Variants in IL17B observed in about 807,000 individuals in gnomAD.
The protein encoded by IL17B is interleukin-17B.
Under a neutral mutation model 14.7 loss-of-function variants are expected in IL17B, and 14 were observed. That is an observed-to-expected ratio of 0.95 (90% CI 0.63 to 1.49). The LOEUF (loss-of-function observed/expected upper bound fraction) is 1.49. Ranked by LOEUF, IL17B falls within the 40% of genes most tolerant of loss-of-function variation. IL17B has a pLI of 0.00. For missense variants in IL17B, 233 were observed against 252.8 expected (o/e 0.92, Z 0.53); for synonymous variants, 105 against 94.8 (o/e 1.11, Z -0.62).
At chr5:149,385,863 C>T (rs1407508653) in intron 1 of IL17B, among the ~76,000 whole-genome samples, 1 of 152,186 alleles carries the variant, frequency 6.6e-6, no homozygotes, top group East Asian at 1.9e-4. Flanking sequence ...CTCTTCAGCC[C>T]CCCAGAGCCG....
intron 1 of IL17B, among the ~76,000 whole-genome samples, chr5:149,394,766 G>A (rs1386601341): frequency 6.6e-6 from 1 of 152,122 alleles, no homozygotes; most frequent in African/African-American, 2.4e-5. Context: ...GCTCTGCTTG[G>A]AGAATACATC....
intron 2 of IL17B, among the ~76,000 whole-genome samples, chr5:149,375,646 C>G (rs144239639): frequency 6.6e-6 from 1 of 152,044 alleles, no homozygotes; most frequent in African/African-American, 2.4e-5. Flanking sequence ...CAGCACTTTG[C>G]GAGGCCAAGG....
At chr5:149,394,201 T>C (rs1424407889) in intron 1 of IL17B, among the ~76,000 whole-genome samples, 1 of 152,226 alleles carries the variant, frequency 6.6e-6, no homozygotes, top group African/African-American at 2.4e-5. Context: ...AGATGAACTA[T>C]ATTCATGAAG....
intron 1 of IL17B, among the ~76,000 whole-genome samples, chr5:149,386,071 T>G (rs1300307470): frequency 2.6e-5 from 4 of 152,370 alleles, no homozygotes; most frequent in African/African-American, 9.6e-5. Flanking sequence ...ATGGTACTTA[T>G]CAAAGTCTGC....
intron 1 of IL17B, among the ~76,000 whole-genome samples, chr5:149,401,303 A>T (rs959661383): frequency 6.6e-6 from 1 of 152,234 alleles, no homozygotes; most frequent in African/African-American, 2.4e-5. Context: ...GACTGGTAAG[A>T]CTTGATTAGA....
At position 149,402,230 on chromosome 5, in the gene IL17B, C is replaced by T. The variant is rs113977179; in HGVS notation, n.95+1878G>A. Reference sequence around the variant, plus strand: ...GGAGCTAATCTTGGTGAGTAATATTCGAGTTGTCAGTCAGGTTCACTACTC... The same window carrying T: ...GGAGCTAATCTTGGTGAGTAATATTTGAGTTGTCAGTCAGGTTCACTACTC... On this transcript the variant is annotated intron_variant and non_coding_transcript_variant, in intron 1 of 2. Coordinates refer to the IL17B transcript ENST00000505432. 8.4e-4 allele frequency among the ~76,000 whole-genome samples: 128 copies of T among 152,246 alleles called. 1 individual carries two copies. In the Middle Eastern group the frequency reaches 0.014, roughly 16 times the overall value.
chr5:149,384,313 G>C (rs1187810474), intron 1 of IL17B, among the ~76,000 whole-genome samples: 1 of 152,090 alleles, frequency 6.6e-6, no homozygotes, highest in Non-Finnish European at 1.5e-5. Context: ...GTTTCCTCAC[G>C]GGGTTGTTAA....
intron 2 of IL17B, among the ~76,000 whole-genome samples, chr5:149,376,438 G>GA (rs1206655587): frequency 2.0e-5 from 3 of 152,216 alleles, no homozygotes; most frequent in African/African-American, 7.2e-5. Flanking sequence ...GACATCTGGG[G>GA]AAAGCCTTGC....
Position 149,397,304 on chromosome 5 carries a change from G to A in IL17B, n.95+6804C>T, listed in dbSNP as rs547061308. Among the ~76,000 whole-genome samples the A allele has an allele frequency of 3.3e-5, 5 of 152,242 alleles. No homozygotes were observed. In the South Asian group the frequency reaches 1.0e-3, roughly 32 times the overall value. ...CCCACCTCAGCCTCCCGAGTAGCAG[G>A]ATTATAGATGCCCGCCATCAGGCCC... is the stretch of plus-strand genomic sequence containing the variant. On this transcript the variant is annotated intron_variant and non_coding_transcript_variant, in intron 1 of 2. Coordinates refer to the IL17B transcript ENST00000505432.
At chr5:149,379,175 G>T (rs1293018824) in intron 1 of IL17B, 30 bp downstream of exon 1, 4 of 1,614,000 alleles carry the variant, frequency 2.5e-6, no homozygotes, top group Non-Finnish European at 3.4e-6. Flanking sequence ...TTAAAAAGGG[G>T]TGGGGGTGCG....
At chr5:149,394,350 A>G (rs1042934781) in intron 1 of IL17B, among the ~76,000 whole-genome samples, 1 of 152,210 alleles carries the variant, frequency 6.6e-6, no homozygotes, top group African/African-American at 2.4e-5. Context: ...AAAAACTGCA[A>G]TGGGTCACCA....
intron 1 of IL17B, among the ~76,000 whole-genome samples, chr5:149,394,874 T>C (rs1561717615): frequency 6.6e-6 from 1 of 152,334 alleles, no homozygotes; most frequent in Non-Finnish European, 1.5e-5. Flanking sequence ...CCATCTTTTT[T>C]TTAACTTTTA....
At chr5:149,385,105 G>C (rs1451788276) in intron 1 of IL17B, among the ~76,000 whole-genome samples, 2 of 151,528 alleles carry the variant, frequency 1.3e-5, no homozygotes, top group African/African-American at 2.4e-5. Context: ...TTAGAAACAG[G>C]GTTTCACCAT....
At chr5:149,387,561 G>C (rs1364254199) in intron 1 of IL17B, among the ~76,000 whole-genome samples, 1 of 152,120 alleles carries the variant, frequency 6.6e-6, no homozygotes, top group Non-Finnish European at 1.5e-5. Flanking sequence ...TTGAGGTCAG[G>C]AGTTCAAGAT....
At position 149,379,218 on chromosome 5, in the gene IL17B, C is replaced by T. The variant is rs1758623320; in HGVS notation, c.8G>A (p.Trp3Ter). MD[W>*]PHNLLFLLTI... ...AGCGCCACGTACCAGGTTGTGAGGC[C>T]AGTCCATTCCGCCAAGCTGCAAGGT... Residue 3 changes from tryptophan (W) to a stop codon, truncating the protein, a stop_gained, in exon 1 of 3, where the codon TGG becomes TAG. Coordinates refer to ENST00000261796, the MANE Select transcript of IL17B (RefSeq NM_014443.3). LOFTEE classifies it high-confidence loss of function. 1 of 1,614,018 alleles carries T rather than the reference C, an allele frequency of 6.2e-7. No homozygotes were observed. Among genetic ancestry groups the T allele is most frequent in the East Asian group, 2.2e-5 (1 of 44,878 alleles).
At chr5:149,378,317 CCCT>C (rs904825898) in intron 1 of IL17B, among the ~76,000 whole-genome samples, 1 of 152,118 alleles carries the variant, frequency 6.6e-6, no homozygotes, top group Non-Finnish European at 1.5e-5. Context: ...ATCCCCCAAG[CCCT>C]CCTCACACAC....
At chr5:149,402,831 A>G (rs555990236) in intron 1 of IL17B, among the ~76,000 whole-genome samples, 19 of 151,532 alleles carry the variant, frequency 1.3e-4, no homozygotes, top group Non-Finnish European at 2.1e-4. Flanking sequence ...GTGAAACCCC[A>G]TCTCTATTAA....
chr5:149,396,002 C>T (rs976389882), intron 1 of IL17B, among the ~76,000 whole-genome samples: 3 of 152,182 alleles, frequency 2.0e-5, no homozygotes, highest in Admixed American at 6.5e-5. Flanking sequence ...ACACCTGGCC[C>T]ATATTTTTAA....
At chr5:149,386,268 A>G (rs1758827092) in intron 1 of IL17B, among the ~76,000 whole-genome samples, 1 of 152,202 alleles carries the variant, frequency 6.6e-6, no homozygotes, top group South Asian at 2.1e-4. Flanking sequence ...TGCGGCTCTC[A>G]GCACCTGGCT....
Sources: gnomAD v4.1 joint callset for allele counts (sites outside exome capture counted in the v4.1 genomes callset) on GRCh38, gnomAD v4.1.1 for gene constraint, MANE v1.5 for transcripts, NCBI Gene and HGNC (gene_info 2026-07-23, HGNC 2026-07-21) for gene names.